Variants in GRK5 observed in about 807,000 individuals in gnomAD.
The protein encoded by GRK5 is g protein-coupled receptor kinase GRK5.
GRK5 carries 40 observed loss-of-function variants against 78.4 expected under a neutral mutation model. The observed-to-expected ratio is 0.51, with a 90% CI of 0.40 to 0.66. The LOEUF (loss-of-function observed/expected upper bound fraction) is 0.66, where lower values mean the gene tolerates loss of function less well. Ranked by LOEUF, GRK5 falls within the 30% of genes least tolerant of loss-of-function variation. The pLI, the probability that GRK5 is intolerant of heterozygous loss-of-function variation, is 0.00. For missense variants in GRK5, 598 were observed against 759.9 expected (o/e 0.79, Z 2.50); for synonymous variants, 289 against 296.8 (o/e 0.97, Z 0.27).
chr10:119,242,609 G>A (rs1371096531), intron 1 of GRK5, among the ~76,000 whole-genome samples: 2 of 150,984 alleles, frequency 1.3e-5, no homozygotes, highest in Admixed American at 6.7e-5. Flanking sequence ...ATCTTGAATT[G>A]TAACCCCCAT....
At chr10:119,362,152 C>G (rs967070930) in intron 2 of GRK5, among the ~76,000 whole-genome samples, 1 of 152,164 alleles carries the variant, frequency 6.6e-6, no homozygotes, top group African/African-American at 2.4e-5. Context: ...CTGTAACAAT[C>G]TGGTGTTTAA....
chr10:119,242,584 C>A (rs558521728), intron 1 of GRK5, among the ~76,000 whole-genome samples: 1 of 149,990 alleles, frequency 6.7e-6, no homozygotes, highest in African/African-American at 2.5e-5. Flanking sequence ...GGCTTTGTGT[C>A]CCCACCCAAA....
chr10:119,401,752 G>C (rs766935705), intron 4 of GRK5, among the ~76,000 whole-genome samples: 2 of 152,208 alleles, frequency 1.3e-5, no homozygotes, highest in Non-Finnish European at 2.9e-5. Flanking sequence ...AAATCGTTCA[G>C]ATGTCGAACT....
intron 1 of GRK5, among the ~76,000 whole-genome samples, chr10:119,260,161 G>A (rs1401288578): frequency 2.0e-5 from 3 of 151,984 alleles, no homozygotes; most frequent in South Asian, 2.1e-4. Context: ...CATCATGCCC[G>A]GCTAAATTTT....
At chr10:119,366,364 C>T (rs1212165596) in intron 2 of GRK5, among the ~76,000 whole-genome samples, 2 of 151,832 alleles carry the variant, frequency 1.3e-5, no homozygotes, top group African/African-American at 2.4e-5. Context: ...AAGGGGGTGG[C>T]GGAGGAGAGA....
At chr10:119,276,633 G>A (rs144076618) in intron 1 of GRK5, among the ~76,000 whole-genome samples, 429 of 152,178 alleles carry the variant, frequency 2.8e-3, no homozygotes, top group Admixed American at 4.6e-3. Flanking sequence ...GGATGGCTGG[G>A]TCAAATGGTA....
At chr10:119,290,714 G>A (rs753226615) in intron 1 of GRK5, among the ~76,000 whole-genome samples, 12 of 152,002 alleles carry the variant, frequency 7.9e-5, no homozygotes, top group East Asian at 5.8e-4. Flanking sequence ...GAGTCCCTCT[G>A]AGACATCCCA....
intron 15 of GRK5, among the ~76,000 whole-genome samples, chr10:119,453,528 C>T (rs1449187176): frequency 1.3e-5 from 2 of 152,200 alleles, no homozygotes; most frequent in African/African-American, 4.8e-5. Context: ...ACACTGTTGG[C>T]GCCTGGGGCC....
intron 2 of GRK5, among the ~76,000 whole-genome samples, chr10:119,343,755 A>T (rs987252608): frequency 2.6e-5 from 4 of 152,198 alleles, no homozygotes; most frequent in African/African-American, 9.7e-5. Flanking sequence ...CGCAGATAGT[A>T]GGGATCCATT....
chr10:119,298,841 C>A (rs558259565), intron 1 of GRK5, among the ~76,000 whole-genome samples: 30 of 152,140 alleles, frequency 2.0e-4, no homozygotes, highest in Non-Finnish European at 7.4e-5. Context: ...TTCCATTTAC[C>A]CCCCAGCCAC....
chr10:119,248,090 C>T (rs1849142152), intron 1 of GRK5, among the ~76,000 whole-genome samples: 1 of 152,176 alleles, frequency 6.6e-6, no homozygotes, highest in Non-Finnish European at 1.5e-5. Context: ...TAGCTCACTG[C>T]AGCCTCAACC....
At chr10:119,340,848 G>C (rs1455681442) in intron 2 of GRK5, among the ~76,000 whole-genome samples, 2 of 152,200 alleles carry the variant, frequency 1.3e-5, no homozygotes, top group Admixed American at 6.5e-5. Context: ...AGAGTGCTTT[G>C]CAAAGTGCTG....
chr10:119,394,765 A>G (rs1356519382), intron 3 of GRK5, among the ~76,000 whole-genome samples: 7 of 72,566 alleles, frequency 9.6e-5, no homozygotes, highest in Admixed American at 2.7e-4. Context: ...GTGGGTGTGT[A>G]TCTGTGTGTG....
chr10:119,399,368 G>A (rs532060074), intron 4 of GRK5, among the ~76,000 whole-genome samples: 2 of 152,282 alleles, frequency 1.3e-5, no homozygotes, highest in South Asian at 4.1e-4. Context: ...CAGATGCAGC[G>A]AAGCAAGGTG....
At chr10:119,447,109 C>T (rs1027011000) in intron 12 of GRK5, among the ~76,000 whole-genome samples, 1 of 152,216 alleles carries the variant, frequency 6.6e-6, no homozygotes, top group Non-Finnish European at 1.5e-5. Flanking sequence ...GGCCGGGGCC[C>T]TGTGGTCGTG....
At chr10:119,302,398 G>T (rs530352142) in intron 1 of GRK5, among the ~76,000 whole-genome samples, 1 of 152,310 alleles carries the variant, frequency 6.6e-6, no homozygotes, top group South Asian at 2.1e-4. Context: ...CTCGTATCTG[G>T]GTGTGGTGCC....
Position 119,217,827 on chromosome 10 carries a change from G to T in GRK5, c.52+9858G>T, listed in dbSNP as rs1319722654. ...GAGGTTCTCGCCCTCAGTTACCTCTGCCTGACAGTGGTACCTTATGTGCAG... is the reference window on the plus strand; with the variant it reads ...GAGGTTCTCGCCCTCAGTTACCTCTTCCTGACAGTGGTACCTTATGTGCAG... On this transcript the variant is annotated intron_variant, in intron 1 of 15. Coordinates refer to ENST00000392870, the MANE Select transcript of GRK5 (RefSeq NM_005308.3). This position sits in a 1 kb window ranked among gnomAD's most constrained non-coding sequence, Gnocchi z 4.1. 6.6e-6 allele frequency among the ~76,000 whole-genome samples: 1 copy of T among 152,156 alleles called. No individual in the cohort carries two copies. The highest frequency in any genetic ancestry group is 1.9e-4 in the East Asian group (1 of 5,200).
chr10:119,267,649 A>G lies in GRK5; in HGVS notation c.53-58867A>G, dbSNP rs1384901490. Among the ~76,000 whole-genome samples, 1 of 152,220 alleles carries G rather than the reference A, an allele frequency of 6.6e-6. No homozygotes were observed. Among genetic ancestry groups the G allele is most frequent in the Non-Finnish European group, 1.5e-5 (1 of 68,026 alleles). On this transcript the variant is annotated intron_variant, in intron 1 of 15. Transcript: ENST00000392870. This position sits in a 1 kb window ranked among gnomAD's most constrained non-coding sequence, Gnocchi z 4.1. ...AAGCACCGAACCAGCCTTAGGTTCT[A>G]TAGCAAGGAGGTCCAGCACCGCTCG...
intron 1 of GRK5, among the ~76,000 whole-genome samples, chr10:119,272,751 T>G (rs1849605309): frequency 6.6e-6 from 1 of 152,058 alleles, no homozygotes; most frequent in African/African-American, 2.4e-5. Flanking sequence ...AGCTGAGCAT[T>G]GGAAATACCA....
Sources: allele counts gnomAD v4.1 joint callset (sites outside exome capture counted in the v4.1 genomes callset), GRCh38; gene constraint gnomAD v4.1.1; non-coding constraint Gnocchi (gnomAD v3.1); transcripts MANE v1.5; gene names NCBI Gene and HGNC (gene_info 2026-07-23, HGNC 2026-07-21).